CCBE1: variants seen among roughly 807,000 people sequenced by gnomAD.
The protein encoded by CCBE1 is collagen and calcium-binding EGF domain-containing protein 1.
In CCBE1, 37 loss-of-function variants were observed where a neutral mutation model predicts 50.0. That is an observed-to-expected ratio of 0.74 (90% CI 0.57 to 0.97). The LOEUF (loss-of-function observed/expected upper bound fraction) is 0.97, where lower values mean the gene tolerates loss of function less well. Among genes scored for constraint, CCBE1 ranks in the 50% least tolerant of loss-of-function variants. The probability of loss-of-function intolerance (pLI) is 0.00; values close to 1 mark genes in which losing one functional copy is unlikely to be tolerated. For missense variants in CCBE1, 538 were observed against 523.8 expected (o/e 1.03, Z -0.26); for synonymous variants, 234 against 203.7 (o/e 1.15, Z -1.27).
intron 2 of CCBE1, among the ~76,000 whole-genome samples, chr18:59,690,200 C>T (rs556101634): frequency 1.3e-5 from 2 of 152,164 alleles, no homozygotes; most frequent in Middle Eastern, 3.4e-3. Flanking sequence ...AACAAGTATT[C>T]GTTGACTAAG....
intron 2 of CCBE1, among the ~76,000 whole-genome samples, chr18:59,575,328 T>C (rs1431638516): frequency 6.6e-6 from 1 of 152,152 alleles, no homozygotes; most frequent in East Asian, 1.9e-4. Context: ...GGAGGCAGAC[T>C]GCACCAGGTG....
At chr18:59,557,697 G>C (rs2052673989) in intron 2 of CCBE1, among the ~76,000 whole-genome samples, 3 of 152,062 alleles carry the variant, frequency 2.0e-5, no homozygotes, top group African/African-American at 7.2e-5. Context: ...GAACTTCTAG[G>C]GGGGATTTAA....
chr18:59,528,279 T>TA (rs1176973856), intron 2 of CCBE1, among the ~76,000 whole-genome samples: 2 of 152,222 alleles, frequency 1.3e-5, no homozygotes, highest in Non-Finnish European at 2.9e-5. Flanking sequence ...TGGCTACTGA[T>TA]ACTTGTGAAG....
chr18:59,640,051 C>T (rs367927823), intron 2 of CCBE1, among the ~76,000 whole-genome samples: 1 of 152,094 alleles, frequency 6.6e-6, no homozygotes, highest in Non-Finnish European at 1.5e-5. Flanking sequence ...ATTAAAATGG[C>T]CATACTCCCC....
At chr18:59,455,113 T>C in intron 5 of CCBE1, 162 bp from the exon 6 acceptor site, 1 of 699,380 alleles carries the variant, frequency 1.4e-6, no homozygotes, top group Non-Finnish European at 2.6e-6. Context: ...CCTGCCAGCA[T>C]GCCCCAGGGT....
intron 7 of CCBE1, among the ~76,000 whole-genome samples, chr18:59,446,335 A>C (rs1002344703): frequency 2.6e-5 from 4 of 152,172 alleles, no homozygotes; most frequent in African/African-American, 9.7e-5. Context: ...TCCTCCAGAG[A>C]AGCAAAGCAA....
intron 2 of CCBE1, among the ~76,000 whole-genome samples, chr18:59,537,453 C>A (rs1395127208): frequency 1.3e-5 from 2 of 152,162 alleles, no homozygotes; most frequent in Non-Finnish European, 2.9e-5. Context: ...GTGAATAAGT[C>A]TCATGAGACC....
At chr18:59,678,691 C>T (rs557248397) in intron 2 of CCBE1, among the ~76,000 whole-genome samples, 273 of 152,240 alleles carry the variant, frequency 1.8e-3, no homozygotes, top group African/African-American at 6.3e-3. Flanking sequence ...CACCACCACA[C>T]TCAGCTAACT....
Position 59,601,330 on chromosome 18 carries a change from G to T in CCBE1, c.212+95299C>A, listed in dbSNP as rs920593532. On this transcript the variant is annotated intron_variant, in intron 2 of 10. Coordinates refer to ENST00000439986, the MANE Select transcript of CCBE1 (RefSeq NM_133459.4). Reference sequence around the variant, plus strand: ...CCAGTGGGAGGTAACTGAATCATGGGGGCAGGGTCTTTCCCATGCTGTTCT... The same window carrying T: ...CCAGTGGGAGGTAACTGAATCATGGTGGCAGGGTCTTTCCCATGCTGTTCT... 3.9e-5 allele frequency among the ~76,000 whole-genome samples: 6 copies of T among 152,026 alleles called. No homozygotes were observed. In the East Asian group the frequency reaches 1.2e-3, roughly 29 times the overall value.
chr18:59,561,378 CTA>C (rs1568207096), intron 2 of CCBE1, among the ~76,000 whole-genome samples: 1 of 152,216 alleles, frequency 6.6e-6, no homozygotes, highest in East Asian at 1.9e-4. Context: ...TGTCCAAACC[CTA>C]TGTCTCCCTC....
At chr18:59,659,388 C>T (rs2054251866) in intron 2 of CCBE1, among the ~76,000 whole-genome samples, 1 of 151,466 alleles carries the variant, frequency 6.6e-6, no homozygotes, top group African/African-American at 2.4e-5. Flanking sequence ...ACATTGTTTT[C>T]AGACAACCAA....
chr18:59,645,409 G>T (rs1045303756), intron 2 of CCBE1, among the ~76,000 whole-genome samples: 1 of 152,168 alleles, frequency 6.6e-6, no homozygotes, highest in Non-Finnish European at 1.5e-5. Flanking sequence ...AGTCCCTCCT[G>T]CTTCTCAGTG....
intron 2 of CCBE1, among the ~76,000 whole-genome samples, chr18:59,625,461 C>G (rs1354654113): frequency 7.5e-6 from 1 of 134,000 alleles, no homozygotes; most frequent in Non-Finnish European, 1.6e-5. Context: ...AAAATTGTAG[C>G]CATATACTGA....
At chr18:59,452,678 C>T (rs1910997705) in intron 6 of CCBE1, among the ~76,000 whole-genome samples, 1 of 152,176 alleles carries the variant, frequency 6.6e-6, no homozygotes, top group African/African-American at 2.4e-5. Context: ...TTTAGGCCTG[C>T]CCTCTCGGAC....
At chr18:59,597,915 T>C (rs1306328890) in intron 2 of CCBE1, among the ~76,000 whole-genome samples, 1 of 152,058 alleles carries the variant, frequency 6.6e-6, no homozygotes, top group African/African-American at 2.4e-5. Flanking sequence ...AAGAAAAGGG[T>C]AAATAGTTTA....
intron 2 of CCBE1, chr18:59,688,203 G>A (rs2054683174): frequency 6.6e-6 from 1 of 152,154 alleles, no homozygotes; most frequent in East Asian, 1.9e-4. Context: ...TAGGTGCGGT[G>A]GCTCATGCCT....
intron 2 of CCBE1, among the ~76,000 whole-genome samples, chr18:59,647,996 T>C (rs1002661377): frequency 1.3e-5 from 2 of 152,192 alleles, no homozygotes; most frequent in Non-Finnish European, 2.9e-5. Context: ...AGAGCTACCA[T>C]ATGTGAACAA....
At chr18:59,573,741 A>G (rs904848404) in intron 2 of CCBE1, among the ~76,000 whole-genome samples, 3 of 152,122 alleles carry the variant, frequency 2.0e-5, no homozygotes, top group Non-Finnish European at 4.4e-5. Flanking sequence ...TTATTGCTGT[A>G]CTATCATTAC....
chr18:59,563,014 G>A (rs534444264), intron 2 of CCBE1, among the ~76,000 whole-genome samples: 1 of 152,232 alleles, frequency 6.6e-6, no homozygotes, highest in African/African-American at 2.4e-5. Context: ...CTGTTGGCAT[G>A]TTTATGAGTT....
Sources: allele counts gnomAD v4.1 joint callset (sites outside exome capture counted in the v4.1 genomes callset), GRCh38; gene constraint gnomAD v4.1.1; transcripts MANE v1.5; gene names NCBI Gene and HGNC (gene_info 2026-07-23, HGNC 2026-07-21).